The following TM9SF4 variants were observed in gnomAD, a reference collection of about 807,000 sequenced individuals.
TM9SF4 encodes transmembrane 9 superfamily member 4.
A neutral mutation model predicts 90.4 loss-of-function variants in TM9SF4; 26 were observed. The ratio of observed to expected loss-of-function variants is 0.29; its 90% CI spans 0.21 to 0.40. The LOEUF (loss-of-function observed/expected upper bound fraction) is 0.40, where lower values mean the gene tolerates loss of function less well. TM9SF4 is among the 10% of genes least tolerant of loss of function. The probability of loss-of-function intolerance (pLI) is 1.00; values close to 1 mark genes in which losing one functional copy is unlikely to be tolerated. For synonymous variants in TM9SF4, 293 were observed against 315.4 expected (o/e 0.93, Z 0.75); for missense variants, 549 against 834.8 (o/e 0.66, Z 4.22).
chr20:32,128,935 A>G (rs974158181), intron 1 of TM9SF4, among the ~76,000 whole-genome samples: 1 of 152,050 alleles, frequency 6.6e-6, no homozygotes, highest in African/African-American at 2.4e-5. Flanking sequence ...AAGTTCCTCC[A>G]TACCAAGCTA....
chr20:32,139,827 A>G (rs1213395438), intron 3 of TM9SF4, among the ~76,000 whole-genome samples: 1 of 152,096 alleles, frequency 6.6e-6, no homozygotes, highest in East Asian at 1.9e-4. Context: ...CCCCACCCCA[A>G]AGGGGCCTTT....
intron 1 of TM9SF4, among the ~76,000 whole-genome samples, chr20:32,129,159 T>C (rs2046472588): frequency 6.6e-6 from 1 of 152,160 alleles, no homozygotes; most frequent in African/African-American, 2.4e-5. Context: ...TTCTAGCTCC[T>C]GCTTTTACTA....
At chr20:32,127,936 A>G (rs1368915131) in intron 1 of TM9SF4, among the ~76,000 whole-genome samples, 3 of 152,234 alleles carry the variant, frequency 2.0e-5, no homozygotes, top group African/African-American at 7.2e-5. Context: ...GCTTCTTAGG[A>G]GACATTCAGA....
intron 1 of TM9SF4, among the ~76,000 whole-genome samples, chr20:32,115,291 C>CGTCTCCCTTT (rs1156452833): frequency 1.3e-5 from 2 of 152,190 alleles, no homozygotes; most frequent in East Asian, 3.8e-4. Context: ...CTTGGACAAA[C>CGTCTCCCTTT]GTCTCCCTTT....
At chr20:32,152,919 C>T (rs569581851) in intron 12 of TM9SF4, among the ~76,000 whole-genome samples, 2 of 152,236 alleles carry the variant, frequency 1.3e-5, no homozygotes, top group East Asian at 3.9e-4. Flanking sequence ...GCTTTTTTTC[C>T]TACCTAGCAC....
At chr20:32,150,913 A>G in intron 12 of TM9SF4, 38 bp downstream of exon 12, 1 of 1,609,744 alleles carries the variant, frequency 6.2e-7, no homozygotes, top group Non-Finnish European at 8.5e-7. Flanking sequence ...GGTGGGAAGC[A>G]GAGAAGCTTC....
rs1235797065 is a variant in TM9SF4, at chr20:32,155,144, C to G, written c.1287C>G (p.Phe429Leu). Residue 429 changes from phenylalanine to leucine, a missense_variant, in exon 13 of 18, where the codon TTC (phenylalanine) becomes TTG (leucine). By Grantham distance (22) the Phe-to-Leu change is conservative. Coordinates refer to ENST00000398022, the MANE Select transcript of TM9SF4 (RefSeq NM_014742.4). ...LYPGVVFGIC[F>L]VLNCFIWGKH... ...CTGGTGTGGTTTTTGGCATCTGCTT[C>G]GTATTGAATTGCTTCATTTGGGGAA... 6.2e-7 allele frequency: 1 copy of G among 1,614,062 alleles called. No individual in the cohort carries two copies. The highest frequency in any genetic ancestry group is 8.5e-7 in the Non-Finnish European group (1 of 1,180,036).
intron 5 of TM9SF4, 31 bp from the exon 6 acceptor site, chr20:32,142,951 C>G: frequency 6.2e-7 from 1 of 1,610,284 alleles, no homozygotes; most frequent in Non-Finnish European, 8.5e-7. Flanking sequence ...AAGTGATGTT[C>G]TGTTGTGCTT....
At chr20:32,132,891 G>GAA (rs2046540244) in intron 1 of TM9SF4, 122 bp from the exon 2 acceptor site, 1 of 763,964 alleles carries the variant, frequency 1.3e-6, no homozygotes. Context: ...CAGGCTTCAT[G>GAA]GGTCAGAGGG....
chr20:32,124,590 CTT>C (rs34090214), intron 1 of TM9SF4, among the ~76,000 whole-genome samples: 235 of 145,208 alleles, frequency 1.6e-3, no homozygotes, highest in South Asian at 2.9e-3. Context: ...CTTTTAAAAA[CTT>C]TTTTTTTTTT....
chr20:32,124,508 A>G (rs1209449048), intron 1 of TM9SF4, among the ~76,000 whole-genome samples: 2 of 152,084 alleles, frequency 1.3e-5, no homozygotes, highest in African/African-American at 2.4e-5. Flanking sequence ...CACTTTGCAG[A>G]TAACTTGCTG....
intron 12 of TM9SF4, among the ~76,000 whole-genome samples, chr20:32,152,650 A>G (rs1324294598): frequency 2.6e-5 from 4 of 152,068 alleles, no homozygotes; most frequent in Non-Finnish European, 5.9e-5. Context: ...AACAGCCTGC[A>G]GCAGTGTGGG....
chr20:32,111,579 C>G (rs1387350965), intron 1 of TM9SF4, among the ~76,000 whole-genome samples: 2 of 152,052 alleles, frequency 1.3e-5, no homozygotes, highest in Non-Finnish European at 2.9e-5. Flanking sequence ...CAAGTAAATA[C>G]GTGAACAAAA....
At chr20:32,123,062 C>G (rs1277941976) in intron 1 of TM9SF4, among the ~76,000 whole-genome samples, 77 of 149,132 alleles carry the variant, frequency 5.2e-4, no homozygotes, top group African/African-American at 1.6e-3. Context: ...GCAGGCACTC[C>G]GCAGGCTGAG....
rs1436459824 is a variant in TM9SF4, at chr20:32,115,803, TAAGC to T, written c.15+6049_15+6052del. Among the ~76,000 whole-genome samples the T allele has an allele frequency of 7.7e-4, 105 of 135,516 alleles. 1 individual carries two copies. Among genetic ancestry groups the T allele is most frequent in the Non-Finnish European group, 1.4e-3 (91 of 62,990 alleles). 88.9% of individuals were successfully genotyped at this position (135,516 alleles called of 152,430 possible). ...GTGGTAATAACAAAACCTACCACTTTAAGCTTTTTTTTTTTTTTTTTTTTTTTTG... is the reference window on the plus strand; with the variant it reads ...GTGGTAATAACAAAACCTACCACTTTTTTTTTTTTTTTTTTTTTTTTTTTG... On this transcript the variant is annotated intron_variant, in intron 1 of 17. Transcript: ENST00000398022.
chr20:32,159,967 C>CT (rs762792080), intron 15 of TM9SF4, 25 bp from the exon 16 acceptor site: 1 of 1,614,058 alleles, frequency 6.2e-7, no homozygotes, highest in East Asian at 2.2e-5. Flanking sequence ...GTCAAGCCAG[C>CT]TGAAGCCCCA....
chr20:32,156,627 G>A (rs540427753), intron 13 of TM9SF4, among the ~76,000 whole-genome samples: 58 of 152,180 alleles, frequency 3.8e-4, no homozygotes, highest in African/African-American at 1.4e-3. Flanking sequence ...TTTGTTTTGA[G>A]ACAGGGTCTC....
intron 3 of TM9SF4, among the ~76,000 whole-genome samples, chr20:32,140,525 C>T (rs1444027965): frequency 6.6e-6 from 1 of 152,186 alleles, no homozygotes; most frequent in African/African-American, 2.4e-5. Flanking sequence ...AAAGTAAATC[C>T]TTGACATAGG....
intron 3 of TM9SF4, among the ~76,000 whole-genome samples, chr20:32,140,709 G>GA (rs2046660268): frequency 1.3e-5 from 2 of 152,192 alleles, no homozygotes; most frequent in Non-Finnish European, 2.9e-5. Flanking sequence ...TACCAAGACT[G>GA]CTAAGGCAGG....
Sources: allele counts gnomAD v4.1 joint callset (sites outside exome capture counted in the v4.1 genomes callset), GRCh38; gene constraint gnomAD v4.1.1; transcripts MANE v1.5; gene names NCBI Gene and HGNC (gene_info 2026-07-23, HGNC 2026-07-21).